The following DGKB variants were observed in gnomAD, a reference collection of about 807,000 sequenced individuals.
DGKB encodes 90 kDa diacylglycerol kinase.
A neutral mutation model predicts 114.3 loss-of-function variants in DGKB; 67 were observed. The ratio of observed to expected loss-of-function variants is 0.59; its 90% CI spans 0.48 to 0.72. The LOEUF (loss-of-function observed/expected upper bound fraction) is 0.72. Among genes scored for constraint, DGKB ranks in the 30% least tolerant of loss-of-function variants. DGKB has a pLI of 0.00. For synonymous variants in DGKB, 398 were observed against 323.1 expected (o/e 1.23, Z -2.49); for missense variants, 907 against 975.2 (o/e 0.93, Z 0.93).
chr7:14,919,379 GTCT>G (rs1784410067), intron 1 of DGKB, among the ~76,000 whole-genome samples: 1 of 152,110 alleles, frequency 6.6e-6, no homozygotes, highest in Non-Finnish European at 1.5e-5. Flanking sequence ...AGAAAAAATA[GTCT>G]TTTCAACAAG....
At chr7:14,269,612 C>G (rs766255244) in intron 23 of DGKB, among the ~76,000 whole-genome samples, 1 of 152,122 alleles carries the variant, frequency 6.6e-6, no homozygotes, top group Non-Finnish European at 1.5e-5. Context: ...AGAATGCAAC[C>G]TTATATTCTG....
chr7:14,561,046 G>A (rs546970781), intron 20 of DGKB, among the ~76,000 whole-genome samples: 45 of 152,204 alleles, frequency 3.0e-4, no homozygotes, highest in Middle Eastern at 3.4e-3. Context: ...TAGGTGATAC[G>A]GTATGGCTGT....
chr7:14,886,388 G>A (rs377049276), intron 1 of DGKB, among the ~76,000 whole-genome samples: 142 of 151,828 alleles, frequency 9.4e-4, no homozygotes, highest in African/African-American at 3.3e-3. Context: ...GATGAGGACG[G>A]CTCAAAAGTC....
At chr7:14,226,953 C>T (rs763260980) in intron 23 of DGKB, among the ~76,000 whole-genome samples, 1 of 151,984 alleles carries the variant, frequency 6.6e-6, no homozygotes, top group Non-Finnish European at 1.5e-5. Context: ...GCCCAGGCTG[C>T]ACTCAAACTT....
At chr7:14,469,600 TG>T (rs890747934) in intron 21 of DGKB, among the ~76,000 whole-genome samples, 3 of 152,044 alleles carry the variant, frequency 2.0e-5, no homozygotes, top group African/African-American at 7.2e-5. Flanking sequence ...GTTTTATTAA[TG>T]GTGCCAAGAA....
Position 14,708,676 on chromosome 7 carries a change from C to T in DGKB, c.467-6946G>A, listed in dbSNP as rs1160243465. Among the ~76,000 whole-genome samples, 6 of 151,626 alleles carry T rather than the reference C, an allele frequency of 4.0e-5. No individual in the cohort carries two copies. The South Asian group carries it at 6.2e-4, about 16-fold the overall frequency. On this transcript the variant is annotated intron_variant, in intron 6 of 25. Transcript: ENST00000402815. ...AATAACGCCGCATACCTACAACTGT[C>T]TGATCTTTGACAAACCTGAGAAAAA...
At chr7:14,587,441 T>C (rs10251029) in intron 17 of DGKB, among the ~76,000 whole-genome samples, 3,984 of 152,220 alleles carry the variant, frequency 0.026, 153 homozygotes, top group African/African-American at 0.091. Context: ...AAAGATGCTG[T>C]GAACACTGTC....
At chr7:14,673,480 C>A (rs1819340848) in intron 12 of DGKB, among the ~76,000 whole-genome samples, 1 of 150,664 alleles carries the variant, frequency 6.6e-6, no homozygotes, top group Non-Finnish European at 1.5e-5. Flanking sequence ...ATAATTGATC[C>A]CATCATTAGT....
chr7:14,905,964 G>A (rs1783684826), upstream of DGKB, among the ~76,000 whole-genome samples: 1 of 152,044 alleles, frequency 6.6e-6, no homozygotes, highest in South Asian at 2.1e-4. Flanking sequence ...TCACTTCTCA[G>A]GGTCTCTAAG....
chr7:14,738,195 T>C (rs1271230157), intron 4 of DGKB, among the ~76,000 whole-genome samples: 2 of 152,354 alleles, frequency 1.3e-5, no homozygotes, highest in East Asian at 3.9e-4. Flanking sequence ...CCAAAATTGA[T>C]AGCTAATCTT....
At chr7:14,279,189 C>T (rs1000056058) in intron 23 of DGKB, among the ~76,000 whole-genome samples, 2 of 152,078 alleles carry the variant, frequency 1.3e-5, no homozygotes, top group Admixed American at 6.5e-5. Flanking sequence ...TAAAAAATGG[C>T]GCACCACGAG....
chr7:14,699,835 T>C (rs1824788944), intron 7 of DGKB, among the ~76,000 whole-genome samples: 1 of 152,002 alleles, frequency 6.6e-6, no homozygotes, highest in Admixed American at 6.5e-5. Flanking sequence ...CATTGTTTAA[T>C]ATTGGGACTA....
At chr7:14,720,904 C>T (rs1345814281) in intron 5 of DGKB, among the ~76,000 whole-genome samples, 2 of 151,300 alleles carry the variant, frequency 1.3e-5, no homozygotes, top group Non-Finnish European at 2.9e-5. Context: ...AAAGCTTAGC[C>T]AGCTGCAGGA....
rs186076236 is a variant in DGKB at position 14,672,465 on chromosome 7, A to T, written c.1134+464T>A. Among the ~76,000 whole-genome samples the T allele has an allele frequency of 1.4e-3, 219 of 151,318 alleles. 1 individual carries two copies. The highest frequency in any genetic ancestry group is 4.8e-3 in the African/African-American group (197 of 41,058). ...TATTGTTCAATAAAATTTTTTTTTT[A>T]AAAAACAGCTAATAGCAGTGCATAA... On this transcript the variant is annotated intron_variant, in intron 13 of 25. Coordinates refer to ENST00000402815, the MANE Select transcript of DGKB (RefSeq NM_001350709.2).
At chr7:14,593,489 G>A (rs374945440) in intron 17 of DGKB, among the ~76,000 whole-genome samples, 83 of 151,940 alleles carry the variant, frequency 5.5e-4, no homozygotes, top group South Asian at 4.8e-3. Flanking sequence ...ATTTCTGAGT[G>A]AATAGAAACA....
At chr7:14,464,607 T>A (rs1833568215) in intron 21 of DGKB, among the ~76,000 whole-genome samples, 1 of 152,210 alleles carries the variant, frequency 6.6e-6, no homozygotes, top group African/African-American at 2.4e-5. Context: ...CATATAAATG[T>A]AGAGATGCTT....
intron 23 of DGKB, among the ~76,000 whole-genome samples, chr7:14,227,102 A>G (rs1790924763): frequency 1.3e-5 from 2 of 152,046 alleles, no homozygotes; most frequent in African/African-American, 4.8e-5. Context: ...TATGTGACTT[A>G]TCTCAAGGCC....
chr7:14,324,877 G>T (rs1349385430), intron 23 of DGKB, among the ~76,000 whole-genome samples: 1 of 152,104 alleles, frequency 6.6e-6, no homozygotes, highest in Middle Eastern at 3.2e-3. Context: ...GCAGAAGCAG[G>T]AGACACTAAA....
intron 2 of DGKB, among the ~76,000 whole-genome samples, chr7:14,769,538 C>A (rs1837100405): frequency 6.6e-6 from 1 of 150,906 alleles, no homozygotes. Flanking sequence ...AAAAAAAAAA[C>A]TGCCAAGAAC....
Sources: allele counts gnomAD v4.1 joint callset (sites outside exome capture counted in the v4.1 genomes callset), GRCh38; gene constraint gnomAD v4.1.1; transcripts MANE v1.5; gene names NCBI Gene and HGNC (gene_info 2026-07-23, HGNC 2026-07-21).